The following PEAK1 variants were observed in gnomAD, a reference collection of about 807,000 sequenced individuals.
PEAK1 encodes inactive tyrosine-protein kinase PEAK1.
In PEAK1, 54 loss-of-function variants were observed where a neutral mutation model predicts 124.7. The ratio of observed to expected loss-of-function variants is 0.43; its 90% confidence interval spans 0.35 to 0.54. The LOEUF (loss-of-function observed/expected upper bound fraction) is 0.54. Among genes scored for constraint, PEAK1 ranks in the 20% least tolerant of loss-of-function variants. PEAK1 has a pLI of 0.01. For synonymous variants in PEAK1, 719 were observed against 760.0 expected, an observed-to-expected ratio of 0.95 and a Z score of 0.89; for missense variants, 2,046 against 2,134.5, an observed-to-expected ratio of 0.96 and a Z score of 0.82.
At chr15:77,256,809 C>T (rs925412200) in intron 5 of PEAK1, among the ~76,000 whole-genome samples, 2 of 151,940 alleles carry the variant, frequency 1.3e-5, no homozygotes, top group African/African-American at 4.8e-5. Flanking sequence ...ATGTGCCATG[C>T]TGGTGTGCTG....
intron 6 of PEAK1, among the ~76,000 whole-genome samples, chr15:77,207,357 C>A (rs2058710232): frequency 6.6e-6 from 1 of 152,164 alleles, no homozygotes; most frequent in Non-Finnish European, 1.5e-5. Flanking sequence ...GTCCTCAACA[C>A]AACCAACAAA....
intron 2 of PEAK1, among the ~76,000 whole-genome samples, chr15:77,322,282 G>A (rs978179455): frequency 6.6e-5 from 10 of 152,090 alleles, no homozygotes; most frequent in African/African-American, 2.4e-4. Flanking sequence ...TAAGATCAGA[G>A]CAGAACTGAA....
At chr15:77,291,236 CATA>C (rs2152979395) in intron 2 of PEAK1, among the ~76,000 whole-genome samples, 1 of 152,274 alleles carries the variant, frequency 6.6e-6, no homozygotes, top group African/African-American at 2.4e-5. Flanking sequence ...CTCATTCTCA[CATA>C]ATACCTGTCA....
chr15:77,283,893 C>T lies in PEAK1; in HGVS notation c.-285G>A. On this transcript the variant is annotated 5_prime_UTR_variant, in exon 5 of 10. Transcript: ENST00000682557. ...TTGCCACTTCCTTACCTCTTTGTTACTGTTATTTATATAGCTGTAGTCATT... is the reference window on the plus strand; with the variant it reads ...TTGCCACTTCCTTACCTCTTTGTTATTGTTATTTATATAGCTGTAGTCATT... 1 of 981,532 alleles carries T rather than the reference C, an allele frequency of 1.0e-6. No individual in the cohort carries two copies. The highest frequency in any genetic ancestry group is 1.2e-6 in the Non-Finnish European group (1 of 826,350). 60.8% of individuals were successfully genotyped at this position (981,532 alleles called of 1,614,324 possible).
intron 9 of PEAK1, among the ~76,000 whole-genome samples, chr15:77,126,548 T>C (rs1015497794): frequency 6.6e-6 from 1 of 152,178 alleles, no homozygotes; most frequent in Non-Finnish European, 1.5e-5. Context: ...CTATAAGATG[T>C]TGAGCAGCAA....
rs575305961 is a variant in PEAK1, at chr15:77,283,928, A to G, written c.-320T>C. 1.0e-6 allele frequency: 1 copy of G among 982,168 alleles called. No individual in the cohort carries two copies. The highest frequency in any genetic ancestry group is 4.7e-5 in the South Asian group (1 of 21,222). The allele number at this position is 982,168 out of a possible 1,614,324, so 60.8% of individuals were successfully genotyped here. On this transcript the variant is annotated 5_prime_UTR_variant, in exon 5 of 10. It removes an upstream start codon present in the reference 5' UTR. Transcript: ENST00000682557. ...TATAGCTGTAGTCATTACTACTTTC[A>G]TATTAGAAAATGTTTGTTTCTCCTT...
At chr15:77,232,782 G>A (rs1337131042) in intron 6 of PEAK1, among the ~76,000 whole-genome samples, 1 of 152,156 alleles carries the variant, frequency 6.6e-6, no homozygotes, top group Non-Finnish European at 1.5e-5. Flanking sequence ...TCTTGCTCTT[G>A]TCACCCAGGC....
chr15:77,141,143 T>C (rs990762184), intron 8 of PEAK1, among the ~76,000 whole-genome samples: 1 of 152,204 alleles, frequency 6.6e-6, no homozygotes, highest in African/African-American at 2.4e-5. Context: ...TTGAGAAGCG[T>C]AGCGAATCCA....
chr15:77,109,922 T>C lies in PEAK1; in HGVS notation c.*4234A>G, dbSNP rs2050889212. Reference sequence around the variant, plus strand: ...AGTATCCTAAATCCATCTCTATTTCTGTGACTAGCCTGTACTTTTTCAGAT... The same window carrying C: ...AGTATCCTAAATCCATCTCTATTTCCGTGACTAGCCTGTACTTTTTCAGAT... On this transcript the variant is annotated 3_prime_UTR_variant, in exon 10 of 10. Transcript: ENST00000682557. 1 of 152,230 alleles carries C rather than the reference T, an allele frequency of 6.6e-6. No individual in the cohort carries two copies. Among genetic ancestry groups the C allele is most frequent in the South Asian group, 2.1e-4 (1 of 4,832 alleles). The allele number at this position is 152,230 out of a possible 1,614,324, so 9.4% of individuals were successfully genotyped here.
At chr15:77,220,339 A>T (rs1424707666) in intron 6 of PEAK1, among the ~76,000 whole-genome samples, 1 of 152,006 alleles carries the variant, frequency 6.6e-6, no homozygotes, top group Non-Finnish European at 1.5e-5. Flanking sequence ...AGAAAAAATT[A>T]AATGTCTTTT....
intron 6 of PEAK1, among the ~76,000 whole-genome samples, chr15:77,229,194 T>TA (rs2059801802): frequency 6.6e-6 from 1 of 152,138 alleles, no homozygotes; most frequent in Non-Finnish European, 1.5e-5. Flanking sequence ...ATACCTTTCT[T>TA]AAGGCCTTTC....
chr15:77,339,398 C>T (rs1597357494), intron 2 of PEAK1, among the ~76,000 whole-genome samples: 2 of 152,060 alleles, frequency 1.3e-5, no homozygotes, highest in East Asian at 1.9e-4. Flanking sequence ...TTGGTAAGTA[C>T]TTTAGATACA....
intron 1 of PEAK1, among the ~76,000 whole-genome samples, chr15:77,382,416 A>C (rs1207723853): frequency 6.6e-6 from 1 of 151,866 alleles, no homozygotes; most frequent in Non-Finnish European, 1.5e-5. Context: ...TCATTCTTTC[A>C]CCTTGTCTGA....
At chr15:77,259,692 C>G in intron 5 of PEAK1, among the ~76,000 whole-genome samples, 1 of 152,114 alleles carries the variant, frequency 6.6e-6, no homozygotes, top group Non-Finnish European at 1.5e-5. Context: ...GCATAAAATA[C>G]TGGAAAGGAC....
chr15:77,214,259 C>T (rs1282742053), intron 6 of PEAK1, among the ~76,000 whole-genome samples: 2 of 151,862 alleles, frequency 1.3e-5, no homozygotes, highest in Non-Finnish European at 2.9e-5. Context: ...TGGGTAAATA[C>T]CTTTGTATCA....
intron 2 of PEAK1, among the ~76,000 whole-genome samples, chr15:77,294,764 T>G (rs78638939): frequency 2.0e-5 from 3 of 152,274 alleles, no homozygotes; most frequent in Middle Eastern, 3.4e-3. Flanking sequence ...GACATTATAA[T>G]ATGTATGGTT....
intron 8 of PEAK1, among the ~76,000 whole-genome samples, chr15:77,145,761 G>A (rs2054134141): frequency 6.6e-6 from 1 of 152,076 alleles, no homozygotes; most frequent in South Asian, 2.1e-4. Flanking sequence ...GACTCCTCCA[G>A]GCAAAGGCTT....
rs1034158169 is a variant in PEAK1, at chr15:77,331,045, C to T, written c.-603+34118G>A. 6.9e-6 allele frequency: 6 copies of T among 869,696 alleles called. No homozygotes were observed. The African/African-American group carries it at 1.1e-4, about 16-fold the overall frequency. 53.9% of individuals were successfully genotyped at this position (869,696 alleles called of 1,614,324 possible). On this transcript the variant is annotated intron_variant, in intron 2 of 9. Coordinates refer to ENST00000682557, the MANE Select transcript of PEAK1 (RefSeq NM_001385026.1). ...ACTTTTGTCATTTACTATTAGCATT[C>T]CTAATTATTGCATAGCATTCCATTA...
chr15:77,225,683 T>TATATAGATAG (rs2059610111), intron 6 of PEAK1, among the ~76,000 whole-genome samples: 1 of 139,464 alleles, frequency 7.2e-6, no homozygotes, highest in Non-Finnish European at 1.6e-5. Context: ...TATATATATA[T>TATATAGATAG]ATATATATAT....
Sources: allele counts gnomAD v4.1 joint callset (sites outside exome capture counted in the v4.1 genomes callset), GRCh38; gene constraint gnomAD v4.1.1; transcripts MANE v1.5; gene names NCBI Gene and HGNC (gene_info 2026-07-23, HGNC 2026-07-21).